Variants in PARD3B observed in about 807,000 individuals in gnomAD.
PARD3B encodes par-3 family cell polarity regulator beta, also known as partitioning defective 3 homolog B.
PARD3B carries 103 observed loss-of-function variants against 130.2 expected under a neutral mutation model. The ratio of observed to expected loss-of-function variants is 0.79; its 90% CI spans 0.67 to 0.93. The LOEUF (loss-of-function observed/expected upper bound fraction) is 0.93, where lower values mean the gene tolerates loss of function less well. Among genes scored for constraint, PARD3B ranks in the 40% least tolerant of loss-of-function variants. The pLI is 0.00. For synonymous variants in PARD3B, 583 were observed against 553.2 expected (o/e 1.05, Z -0.76); for missense variants, 1,609 against 1,499.2 (o/e 1.07, Z -1.21).
Position 205,364,422 on chromosome 2 carries a change from A to G in PARD3B, c.2631-36591A>G, listed in dbSNP as rs551440454. Among the ~76,000 whole-genome samples the G allele has an allele frequency of 1.2e-4, 18 of 152,282 alleles. No homozygotes were observed. In the East Asian group the frequency reaches 2.9e-3, roughly 24 times the overall value. ...AAATTACATCTGAGTCCTCCTTGTTACAGGTGACAAACAGCATTTGTTTTG... is the reference window on the plus strand; with the variant it reads ...AAATTACATCTGAGTCCTCCTTGTTGCAGGTGACAAACAGCATTTGTTTTG... On this transcript the variant is annotated intron_variant, in intron 18 of 22. Coordinates refer to ENST00000406610, the MANE Select transcript of PARD3B (RefSeq NM_001302769.2).
At chr2:205,040,434 T>C (rs1448214055) in intron 3 of PARD3B, among the ~76,000 whole-genome samples, 2 of 152,186 alleles carry the variant, frequency 1.3e-5, no homozygotes, top group Non-Finnish European at 2.9e-5. Context: ...TTCTGACCTA[T>C]AGTCTTTTTG....
At chr2:204,679,138 A>G (rs1167783649) in intron 1 of PARD3B, among the ~76,000 whole-genome samples, 1 of 152,182 alleles carries the variant, frequency 6.6e-6, no homozygotes, top group East Asian at 1.9e-4. Context: ...AGTTTTGTTC[A>G]TTCTTGCTGT....
intron 12 of PARD3B, among the ~76,000 whole-genome samples, chr2:205,174,951 T>G (rs890080385): frequency 1.7e-4 from 26 of 152,214 alleles, no homozygotes; most frequent in African/African-American, 6.0e-4. Flanking sequence ...GCCTAGAGAC[T>G]TGGTATTAAA....
At chr2:205,360,736 T>A (rs1230986367) in intron 18 of PARD3B, among the ~76,000 whole-genome samples, 1 of 152,070 alleles carries the variant, frequency 6.6e-6, no homozygotes, top group Non-Finnish European at 1.5e-5. Context: ...CACACTAGCT[T>A]TGTGGCAGCT....
rs185795604 is a variant in PARD3B, at chr2:205,494,272, T to G, written c.3045-5624T>G. 1.1e-4 allele frequency among the ~76,000 whole-genome samples: 16 copies of G among 152,322 alleles called. No individual in the cohort carries two copies. In the East Asian group the frequency reaches 2.5e-3, roughly 24 times the overall value. On this transcript the variant is annotated intron_variant, in intron 20 of 22. Transcript: ENST00000406610. ...GTTAGGATGCATATATTTACATAGATGCCCACTTATACATATGTAATCACA... is the reference window on the plus strand; with the variant it reads ...GTTAGGATGCATATATTTACATAGAGGCCCACTTATACATATGTAATCACA...
intron 2 of PARD3B, among the ~76,000 whole-genome samples, chr2:204,875,822 G>C (rs895217221): frequency 1.3e-5 from 2 of 152,194 alleles, no homozygotes; most frequent in African/African-American, 4.8e-5. Context: ...AAATCTTACA[G>C]TATGTCATTG....
intron 20 of PARD3B, among the ~76,000 whole-genome samples, chr2:205,459,618 T>C (rs1224450467): frequency 1.3e-5 from 2 of 152,192 alleles, no homozygotes; most frequent in African/African-American, 4.8e-5. Context: ...ATCTTTCTTG[T>C]TGAGGCCCTA....
chr2:204,997,285 C>T (rs962254512), intron 3 of PARD3B, among the ~76,000 whole-genome samples: 15 of 152,170 alleles, frequency 9.9e-5, no homozygotes, highest in Non-Finnish European at 2.2e-4. Context: ...GAAGCAGAAA[C>T]CTATGAGATT....
chr2:205,173,219 C>T (rs1426137298), intron 12 of PARD3B, among the ~76,000 whole-genome samples: 2 of 152,024 alleles, frequency 1.3e-5, no homozygotes, highest in Non-Finnish European at 2.9e-5. Context: ...ATTTAAAAAG[C>T]TAATATAAAG....
At chr2:205,231,403 T>C (rs1391039067) in intron 15 of PARD3B, among the ~76,000 whole-genome samples, 1 of 151,884 alleles carries the variant, frequency 6.6e-6, no homozygotes, top group Admixed American at 6.6e-5. Context: ...CATGGCTCAC[T>C]GCAGCCTCGA....
At chr2:205,402,318 G>A (rs1460970976) in intron 19 of PARD3B, among the ~76,000 whole-genome samples, 1 of 152,158 alleles carries the variant, frequency 6.6e-6, no homozygotes, top group African/African-American at 2.4e-5. Flanking sequence ...CTAAGATTCA[G>A]CAATCCTGTA....
In PARD3B at chr2:204,711,164, T is replaced by G. The variant is rs141266936; in HGVS notation, c.222+24882T>G. ...AAATTATAGCATATTTTGTATGTTC[T>G]GATAACTGGACTTAAACAATTACTT... is the stretch of plus-strand genomic sequence containing the variant. On this transcript the variant is annotated intron_variant, in intron 2 of 22. Transcript: ENST00000406610. Among the ~76,000 whole-genome samples, 522 of 152,346 alleles carry G rather than the reference T, an allele frequency of 3.4e-3. 3 individuals are homozygous for G. Among genetic ancestry groups the G allele is most frequent in the African/African-American group, 0.012 (492 of 41,572 alleles).
chr2:204,624,116 A>T (rs2034399803), intron 1 of PARD3B, among the ~76,000 whole-genome samples: 1 of 152,192 alleles, frequency 6.6e-6, no homozygotes, highest in Non-Finnish European at 1.5e-5. Flanking sequence ...ATAATGGGTT[A>T]TATCCAAAAT....
chr2:204,640,957 C>G (rs932049099), intron 1 of PARD3B, among the ~76,000 whole-genome samples: 2 of 147,144 alleles, frequency 1.4e-5, no homozygotes, highest in Admixed American at 6.8e-5. Flanking sequence ...AATATATTTA[C>G]TGTATATATA....
intron 2 of PARD3B, among the ~76,000 whole-genome samples, chr2:204,857,671 T>C (rs1239672452): frequency 6.6e-6 from 1 of 152,156 alleles, no homozygotes; most frequent in Non-Finnish European, 1.5e-5. Context: ...AAACAAGGCC[T>C]TCTTGTTCAT....
intron 20 of PARD3B, among the ~76,000 whole-genome samples, chr2:205,489,567 T>TACATATATACATATATAC (rs775077563): frequency 2.0e-5 from 3 of 147,718 alleles, no homozygotes; most frequent in South Asian, 2.1e-4. Context: ...TACATATATA[T>TACATATATACATATATAC]ACACACACAC....
intron 3 of PARD3B, among the ~76,000 whole-genome samples, chr2:205,000,923 G>T (rs546208711): frequency 4.5e-4 from 68 of 152,158 alleles, no homozygotes; most frequent in African/African-American, 1.5e-3. Flanking sequence ...TTTGTCTTTT[G>T]GTTTTGCAGG....
intron 15 of PARD3B, among the ~76,000 whole-genome samples, chr2:205,228,644 C>G (rs973364854): frequency 4.6e-5 from 7 of 152,130 alleles, no homozygotes; most frequent in Non-Finnish European, 1.0e-4. Context: ...GGGAAATTAT[C>G]TGTTACGATC....
rs1334042219 is a variant in PARD3B at position 205,160,041 on chromosome 2, G to A, written c.1620+1134G>A. ...GAGCACCCCTGCACCTAGAATTCTG[G>A]CTTTGTTGAAGCAACTGTCGTCTCA... On this transcript the variant is annotated intron_variant, in intron 11 of 22. Transcript: ENST00000406610. The surrounding 1 kb of genome is among the most constrained non-coding windows in gnomAD (Gnocchi z 4.0). Among the ~76,000 whole-genome samples the A allele has an allele frequency of 6.6e-6, 1 of 152,122 alleles. No homozygotes were observed. The highest frequency in any genetic ancestry group is 1.5e-5 in the Non-Finnish European group (1 of 68,028).
Sources: allele counts gnomAD v4.1 joint callset (sites outside exome capture counted in the v4.1 genomes callset), GRCh38; gene constraint gnomAD v4.1.1; non-coding constraint Gnocchi (gnomAD v3.1); transcripts MANE v1.5; gene names NCBI Gene and HGNC (gene_info 2026-07-23, HGNC 2026-07-21).